The following CNTN4 variants were observed in gnomAD, a reference collection of about 807,000 sequenced individuals.
CNTN4 encodes the protein contactin 4, also known as contactin-4.
In CNTN4, 77 loss-of-function variants were observed where a neutral mutation model predicts 122.5. The observed-to-expected ratio is 0.63, with a 90% confidence interval of 0.52 to 0.76. The LOEUF is 0.76. Ranked by LOEUF, CNTN4 falls within the 30% of genes least tolerant of loss-of-function variation. CNTN4 has a pLI of 0.00. For synonymous variants in CNTN4, 512 were observed against 447.0 expected (o/e 1.15, Z -1.83); for missense variants, 1,256 against 1,259.1 (o/e 1.00, Z 0.04).
intron 2 of CNTN4, among the ~76,000 whole-genome samples, chr3:2,164,442 G>A (rs2036108107): frequency 6.6e-6 from 1 of 152,172 alleles, no homozygotes; most frequent in Non-Finnish European, 1.5e-5. Flanking sequence ...ATAGAGAACA[G>A]ATGAGAGGAA....
chr3:2,405,874 C>G (rs2047017842), intron 3 of CNTN4, among the ~76,000 whole-genome samples: 1 of 151,670 alleles, frequency 6.6e-6, no homozygotes, highest in Non-Finnish European at 1.5e-5. Context: ...AAGAAATACA[C>G]AAATTATCTG....
At position 2,736,441 on chromosome 3, in the gene CNTN4, ATTTATTTTAT is replaced by A. The variant is rs764010494; in HGVS notation, c.182+116_182+125del. On this transcript the variant is annotated intron_variant, in intron 5 of 24. Transcript: ENST00000418658. ...CTGGTTACATAAAGAGCTTTTATTT[ATTTATTTTAT>A]TTTATTTTATTTTATATATTTATAT... 118 of 662,550 alleles carry A rather than the reference ATTTATTTTAT, an allele frequency of 1.8e-4. 1 individual carries two copies. Among genetic ancestry groups the A allele is most frequent in the Middle Eastern group, 1.1e-3 (2 of 1,800 alleles). 41.0% of individuals were successfully genotyped at this position (662,550 alleles called of 1,614,324 possible). A position where few individuals can be genotyped will look rare whatever the true frequency, so the allele number is the denominator to read the frequency against.
At chr3:2,800,563 G>A (rs879629849) in intron 6 of CNTN4, among the ~76,000 whole-genome samples, 13 of 152,102 alleles carry the variant, frequency 8.5e-5, no homozygotes, top group Non-Finnish European at 1.3e-4. Flanking sequence ...TTAGTTCTCT[G>A]CCAGACATGT....
At chr3:2,227,961 A>C (rs2039347296) in intron 2 of CNTN4, among the ~76,000 whole-genome samples, 1 of 152,202 alleles carries the variant, frequency 6.6e-6, no homozygotes, top group Non-Finnish European at 1.5e-5. Context: ...AACTTTTGAT[A>C]TTAGAAGTAA....
At chr3:2,302,479 G>A (rs1354189496) in intron 2 of CNTN4, among the ~76,000 whole-genome samples, 1 of 152,184 alleles carries the variant, frequency 6.6e-6, no homozygotes, top group Non-Finnish European at 1.5e-5. Context: ...CGTTGGTTAT[G>A]TAATTTGAAA....
chr3:2,845,135 A>G (rs1242134891), intron 7 of CNTN4, among the ~76,000 whole-genome samples: 1 of 152,172 alleles, frequency 6.6e-6, no homozygotes, highest in Non-Finnish European at 1.5e-5. Context: ...CTCAAGAAAA[A>G]CAAGCCAATA....
At chr3:2,404,163 A>G (rs990706552) in intron 3 of CNTN4, among the ~76,000 whole-genome samples, 19 of 152,192 alleles carry the variant, frequency 1.2e-4, no homozygotes, top group African/African-American at 4.6e-4. Context: ...CTAATGAATT[A>G]CCACAAATTT....
intron 4 of CNTN4, among the ~76,000 whole-genome samples, chr3:2,700,643 AT>A (rs2086301475): frequency 1.3e-5 from 1 of 78,218 alleles, no homozygotes; most frequent in Non-Finnish European, 2.5e-5. Context: ...GTTAAAATAA[AT>A]TCCCCTGGCA....
At position 2,919,719 on chromosome 3, in the gene CNTN4, T is replaced by C. The variant is rs556482210; in HGVS notation, c.1208-5910T>C. Reference sequence around the variant, plus strand: ...GAAATATCACCAATTTGGACTGATATAAGAAAGTCGATGTGATTACAGAGT... The same window carrying C: ...GAAATATCACCAATTTGGACTGATACAAGAAAGTCGATGTGATTACAGAGT... On this transcript the variant is annotated intron_variant, in intron 12 of 24. Coordinates refer to ENST00000418658, the MANE Select transcript of CNTN4 (RefSeq NM_175607.3). Among the ~76,000 whole-genome samples, 5 of 152,316 alleles carry C rather than the reference T, an allele frequency of 3.3e-5. No individual in the cohort carries two copies. In the South Asian group the frequency reaches 1.0e-3, roughly 32 times the overall value.
At chr3:2,509,624 T>C (rs1320491188) in intron 3 of CNTN4, among the ~76,000 whole-genome samples, 1 of 152,202 alleles carries the variant, frequency 6.6e-6, no homozygotes, top group Non-Finnish European at 1.5e-5. Flanking sequence ...TACCCAATCA[T>C]GTATCCTTTG....
intron 14 of CNTN4, among the ~76,000 whole-genome samples, chr3:2,993,123 GA>G (rs1189671404): frequency 6.6e-6 from 1 of 151,932 alleles, no homozygotes; most frequent in African/African-American, 2.4e-5. Flanking sequence ...AGCTGGTTGA[GA>G]AAAAAACCAA....
At chr3:2,300,119 A>G (rs942496342) in intron 2 of CNTN4, among the ~76,000 whole-genome samples, 4 of 152,194 alleles carry the variant, frequency 2.6e-5, no homozygotes, top group Non-Finnish European at 5.9e-5. Flanking sequence ...TACTTGAGAT[A>G]GATTATTTAT....
At chr3:2,333,244 C>T (rs1253498311) in intron 2 of CNTN4, among the ~76,000 whole-genome samples, 3 of 152,170 alleles carry the variant, frequency 2.0e-5, no homozygotes, top group Admixed American at 6.5e-5. Context: ...ATCTTGTAGT[C>T]AAGACCCAGA....
chr3:2,808,831 A>G (rs934470302), intron 6 of CNTN4, among the ~76,000 whole-genome samples: 7 of 152,224 alleles, frequency 4.6e-5, no homozygotes, highest in African/African-American at 1.4e-4. Context: ...TCTTGAAGTT[A>G]TTCTCCAAAG....
chr3:2,452,300 T>A (rs1053114821), intron 3 of CNTN4, among the ~76,000 whole-genome samples: 1 of 152,170 alleles, frequency 6.6e-6, no homozygotes, highest in Non-Finnish European at 1.5e-5. Context: ...CCCAGCAATA[T>A]ATAAAGTTGA....
rs2037708069 is a variant in CNTN4 at position 2,193,885 on chromosome 3, A to G, written c.-145+93246A>G. Among the ~76,000 whole-genome samples the G allele has an allele frequency of 3.9e-5, 6 of 152,336 alleles. No homozygotes were observed. In the South Asian group the frequency reaches 1.0e-3, roughly 26 times the overall value. ...GTTTGCAGCCTAGGAGCAATATGCT[A>G]TCCCATCTAGCCTAGGTGTGTAGTA... On this transcript the variant is annotated intron_variant, in intron 2 of 24. Coordinates refer to ENST00000418658, the MANE Select transcript of CNTN4 (RefSeq NM_175607.3).
intron 4 of CNTN4, among the ~76,000 whole-genome samples, chr3:2,697,159 T>A (rs2086084654): frequency 6.6e-6 from 1 of 152,152 alleles, no homozygotes; most frequent in Non-Finnish European, 1.5e-5. Flanking sequence ...ATTAAGAAAT[T>A]GTCTTTTCAA....
At chr3:2,974,147 G>A (rs1017652105) in intron 13 of CNTN4, among the ~76,000 whole-genome samples, 5 of 152,190 alleles carry the variant, frequency 3.3e-5, no homozygotes, top group Admixed American at 1.3e-4. Context: ...TTCCTAGGCT[G>A]AGAATCCTGG....
At chr3:2,735,827 A>G in intron 4 of CNTN4, 1 of 388,442 alleles carries the variant, frequency 2.6e-6, no homozygotes, top group Non-Finnish European at 5.0e-6. Flanking sequence ...CACAGAAAAA[A>G]ATGTTAGCTT....
Sources: gnomAD v4.1 joint callset for allele counts (sites outside exome capture counted in the v4.1 genomes callset) on GRCh38, gnomAD v4.1.1 for gene constraint, MANE v1.5 for transcripts, NCBI Gene and HGNC (gene_info 2026-07-23, HGNC 2026-07-21) for gene names.